Variants in SHH observed in about 807,000 individuals in gnomAD.
SHH encodes sonic hedgehog protein.
SHH carries 3 observed loss-of-function variants against 16.6 expected under a neutral mutation model. The observed-to-expected ratio is 0.18, with a 90% CI of 0.08 to 0.47. The LOEUF (loss-of-function observed/expected upper bound fraction) is 0.47. Ranked by LOEUF, SHH falls within the 20% of genes least tolerant of loss-of-function variation. The pLI, the probability that SHH is intolerant of heterozygous loss-of-function variation, is 0.98. For missense variants in SHH, 499 were observed against 665.0 expected (o/e 0.75, Z 2.75); for synonymous variants, 351 against 316.2 (o/e 1.11, Z -1.17).
At chr7:155,806,585 C>T in intron 1 of SHH, 28 bp from the exon 2 acceptor site, 1 of 1,610,412 alleles carries the variant, frequency 6.2e-7, no homozygotes, top group Non-Finnish European at 8.5e-7. Context: ...CCCCCACCGA[C>T]GGACACGTTA....
chr7:155,806,008 C>G (rs9333623), intron 2 of SHH, among the ~76,000 whole-genome samples: 64 of 152,360 alleles, frequency 4.2e-4, no homozygotes, highest in African/African-American at 1.5e-3. Flanking sequence ...GCCCCTCCCC[C>G]AGTCACGCTT....
chr7:155,801,200 C>G lies in SHH; in HGVS notation c.*1700G>C, dbSNP rs1803173409. The G allele has an allele frequency of 6.5e-6, 1 of 153,670 alleles. No individual in the cohort carries two copies. The highest frequency in any genetic ancestry group is 1.4e-5 in the Non-Finnish European group (1 of 69,152). The allele number at this position is 153,670 out of a possible 1,614,324, so 9.5% of individuals were successfully genotyped here. ...CCCGACCGCCATGTGACACAGACAA[C>G]CAGTGTAGCCTGAGGACCTCAACAG... On this transcript the variant is annotated 3_prime_UTR_variant, in exon 3 of 3. Coordinates refer to ENST00000297261, the MANE Select transcript of SHH (RefSeq NM_000193.4).
chr7:155,808,250 G>A (rs193048004), intron 1 of SHH, among the ~76,000 whole-genome samples: 2 of 152,346 alleles, frequency 1.3e-5, no homozygotes, highest in East Asian at 3.9e-4. Flanking sequence ...CAGTAAACCA[G>A]GGTCAGTGTA....
In SHH at chr7:155,812,241, C is replaced by T. The variant is rs1803539516; in HGVS notation, c.-119G>A. 2.1e-6 allele frequency: 2 copies of T among 958,822 alleles called. No individual in the cohort carries two copies. The highest frequency in any genetic ancestry group is 1.9e-5 in the Admixed American group (1 of 52,274). The allele number at this position is 958,822 out of a possible 1,614,324, so 59.4% of individuals were successfully genotyped here. On this transcript the variant is annotated 5_prime_UTR_variant, in exon 1 of 3. Transcript: ENST00000297261. ...GCTTTCCCTTCCTCGCTCCGGCTCG[C>T]CCGCTCGCTCTCTCCCTCGCTGGCT...
Position 155,805,842 on chromosome 7 carries a change from G to T in SHH, c.562+454C>A, listed in dbSNP as rs1033482430. Among the ~76,000 whole-genome samples the T allele has an allele frequency of 1.1e-3, 175 of 152,356 alleles. 1 individual carries two copies. Among genetic ancestry groups the T allele is most frequent in the Non-Finnish European group, 3.8e-4 (26 of 68,036 alleles). Reference sequence around the variant, plus strand: ...AGGATCCACGGGCGCCCGGCGGGGAGGAGCCAGGACGCGGGCTCCGGGGCA... The same window carrying T: ...AGGATCCACGGGCGCCCGGCGGGGATGAGCCAGGACGCGGGCTCCGGGGCA... On this transcript the variant is annotated intron_variant, in intron 2 of 2. Transcript: ENST00000297261.
Position 155,800,142 on chromosome 7 carries a change from G to A in SHH, c.*2758C>T, listed in dbSNP as rs747414403. On this transcript the variant is annotated 3_prime_UTR_variant, in exon 3 of 3. Coordinates refer to ENST00000297261, the MANE Select transcript of SHH (RefSeq NM_000193.4). ...ACATTTTGCACAAACTCTTGGCTCC[G>A]TCAACCCTGAATGAGAAGTCGGCGC... The A allele has an allele frequency of 4.9e-5, 23 of 471,482 alleles. 1 individual carries two copies. The highest frequency in any genetic ancestry group is 2.8e-4 in the South Asian group (18 of 64,578). The allele number at this position is 471,482 out of a possible 1,614,324, so 29.2% of individuals were successfully genotyped here. A position where few individuals can be genotyped will look rare whatever the true frequency, so the allele number is the denominator to read the frequency against.
rs374095917 is a variant in SHH, at chr7:155,803,644, C to G, written c.645G>C (p.Val215=). Residue 215 remains valine (V), a synonymous_variant, in exon 3 of 3, where the codon GTG becomes GTC. Transcript: ENST00000297261. Reference sequence around the variant, plus strand: ...CGCGGTCCCCGGGGCTCAGGTCCTTCACCAGCTTGGTGCCGCCCTGCTCCA... The same window carrying G: ...CGCGGTCCCCGGGGCTCAGGTCCTTGACCAGCTTGGTGCCGCCCTGCTCCA... ...VHLEQGGTKL[V]KDLSPGDRVL... 1 of 1,598,004 alleles carries G rather than the reference C, an allele frequency of 6.3e-7. No individual in the cohort carries two copies. The highest frequency in any genetic ancestry group is 1.3e-5 in the African/African-American group (1 of 74,920).
intron 1 of SHH, 109 bp from the exon 2 acceptor site, chr7:155,806,666 A>G: frequency 7.2e-7 from 1 of 1,393,798 alleles, no homozygotes; most frequent in Non-Finnish European, 1.0e-6. Flanking sequence ...CGCGAGGGCC[A>G]TGCGGAGAGG....
intron 2 of SHH, among the ~76,000 whole-genome samples, 158 bp from the exon 3 acceptor site, chr7:155,803,884 C>A (rs1563199515): frequency 6.6e-6 from 1 of 151,860 alleles, no homozygotes; most frequent in Non-Finnish European, 1.5e-5. Flanking sequence ...GGGTCCCGCA[C>A]ACACCTCCCT....
At chr7:155,804,132 C>T (rs1190276653) in intron 2 of SHH, among the ~76,000 whole-genome samples, 3 of 151,936 alleles carry the variant, frequency 2.0e-5, no homozygotes, top group African/African-American at 7.2e-5. Flanking sequence ...TGAGCTCCCG[C>T]GGGCGCCGGG....
At position 155,803,208 on chromosome 7, in the gene SHH, C is replaced by A. The variant is rs780916336; in HGVS notation, c.1081G>T (p.Ala361Ser). Residue 361 changes from alanine (A) to serine (S), a missense_variant, in exon 3 of 3, where the codon GCC becomes TCC. Ala to Ser is a moderately conservative substitution (Grantham distance 99). Transcript: ENST00000297261. ...TCCTCGATGACCGCGTAGCACGAGGCCAGCACCCGGTTGATGAGAATGGTG... is the reference window on the plus strand; with the variant it reads ...TCCTCGATGACCGCGTAGCACGAGGACAGCACCCGGTTGATGAGAATGGTG... ...QGTILINRVL[A>S]SCYAVIEEHS... 1 of 1,506,474 alleles carries A rather than the reference C, an allele frequency of 6.6e-7. No individual in the cohort carries two copies. The highest frequency in any genetic ancestry group is 1.7e-4 in the Middle Eastern group (1 of 5,764). The allele number at this position is 1,506,474 out of a possible 1,614,324, so 93.3% of individuals were successfully genotyped here. A position where few individuals can be genotyped will look rare whatever the true frequency, so the allele number is the denominator to read the frequency against.
rs1006258413 is a variant in SHH at position 155,807,652 on chromosome 7, A to G, written c.301-1095T>C. Among the ~76,000 whole-genome samples the G allele has an allele frequency of 2.0e-5, 3 of 152,110 alleles. No homozygotes were observed. The highest frequency in any genetic ancestry group is 4.4e-5 in the Non-Finnish European group (3 of 68,032). On this transcript the variant is annotated intron_variant, in intron 1 of 2. Coordinates refer to ENST00000297261, the MANE Select transcript of SHH (RefSeq NM_000193.4). This position sits in a 1 kb window ranked among gnomAD's most constrained non-coding sequence, Gnocchi z 7.1. ...TAAGGATGCGACAGAAAGCAGTTGAATCCACTGTGTGTGTTTGTGGGGGCA... is the reference window on the plus strand; with the variant it reads ...TAAGGATGCGACAGAAAGCAGTTGAGTCCACTGTGTGTGTTTGTGGGGGCA...
chr7:155,806,211 C>A (rs1477167086), intron 2 of SHH, 85 bp downstream of exon 2: 2 of 1,559,976 alleles, frequency 1.3e-6, no homozygotes, highest in African/African-American at 1.4e-5. Context: ...TCAGCCTCCC[C>A]CCAGGTTTCT....
At position 155,809,853 on chromosome 7, in the gene SHH, T is replaced by C. The variant is rs1227734650; in HGVS notation, c.300+1970A>G. 2.0e-5 allele frequency among the ~76,000 whole-genome samples: 3 copies of C among 151,364 alleles called. No homozygotes were observed. Among genetic ancestry groups the C allele is most frequent in the Admixed American group, 2.0e-4 (3 of 15,220 alleles). On this transcript the variant is annotated intron_variant, in intron 1 of 2. Coordinates refer to ENST00000297261, the MANE Select transcript of SHH (RefSeq NM_000193.4). This position sits in a 1 kb window ranked among gnomAD's most constrained non-coding sequence, Gnocchi z 6.1. ...GGGGGTCGGGGGGAGGCCCCCGGGC[T>C]GGGGGCTCCGGCTGGGACGCGGAGG...
In SHH at chr7:155,806,606, C is replaced by T. The variant is rs1233555; in HGVS notation, c.301-49G>A. On this transcript the variant is annotated intron_variant, in intron 1 of 2. Transcript: ENST00000297261. ...CCGACGGACACGTTAGCCTGGGCAA[C>T]CGCCACCCCTCCCGGCCCCTCCATC... 0.57 allele frequency: 924,808 copies of T among 1,609,018 alleles called. 273,620 individuals are homozygous for T. The highest frequency in any genetic ancestry group is 0.67 in the Admixed American group (40,225 of 59,962).
At chr7:155,806,235 C>A in intron 2 of SHH, 61 bp downstream of exon 2, 1 of 1,607,524 alleles carries the variant, frequency 6.2e-7, no homozygotes, top group Non-Finnish European at 8.5e-7. Context: ...TCTCTTGAAT[C>A]AAGCCGAGGT....
intron 1 of SHH, 58 bp downstream of exon 1, chr7:155,811,765 G>C: frequency 2.0e-6 from 3 of 1,537,414 alleles, no homozygotes; most frequent in Non-Finnish European, 1.8e-6. Flanking sequence ...GGAAGTGTTC[G>C]GCTTCTCGTA....
Position 155,812,263 on chromosome 7 carries a change from G to A in SHH, c.-141C>T. ...TCGCCCGCTCGCTCTCTCCCTCGCT[G>A]GCTGCCTCGCTCTTTCTCTTCCTAT... On this transcript the variant is annotated 5_prime_UTR_variant, in exon 1 of 3. Transcript: ENST00000297261. 1 of 803,846 alleles carries A rather than the reference G, an allele frequency of 1.2e-6. No individual in the cohort carries two copies. Among genetic ancestry groups the A allele is most frequent in the South Asian group, 1.5e-5 (1 of 68,220 alleles). The allele number at this position is 803,846 out of a possible 1,614,324, so 49.8% of individuals were successfully genotyped here.
chr7:155,812,055 G>T lies in SHH; in HGVS notation c.68C>A (p.Ala23Glu), dbSNP rs1414297882. ...CCCGAACCCCCTGCCCGGTCCGCAC[G>T]CCAGTCCCGAGCATACCAGCAGCGA... ...VSSLLVCSGL[A>E]CGPGRGFGKR... The change falls in exon 1 of 3, where the codon GCG becomes GAG. Residue 23 changes from alanine (A) to glutamate (E), a missense_variant. This residue lies in a region of SHH where 75 missense variants were observed against 115.0 expected (regional missense o/e 0.65). Transcript: ENST00000297261. 1.2e-6 allele frequency: 2 copies of T among 1,614,006 alleles called. No homozygotes were observed. Among genetic ancestry groups the T allele is most frequent in the Non-Finnish European group, 1.7e-6 (2 of 1,180,000 alleles).
Sources: gnomAD v4.1 joint callset for allele counts (sites outside exome capture counted in the v4.1 genomes callset) on GRCh38, gnomAD v4.1.1 for gene constraint, gnomAD v4.1.1 regional missense constraint, Gnocchi (gnomAD v3.1) non-coding constraint, MANE v1.5 for transcripts, NCBI Gene and HGNC (gene_info 2026-07-23, HGNC 2026-07-21) for gene names.